The following NELL2 variants were observed in gnomAD, a reference collection of about 807,000 sequenced individuals.
NELL2 encodes the protein protein kinase C-binding protein NELL2.
A neutral mutation model predicts 109.6 loss-of-function variants in NELL2; 41 were observed. That is an observed-to-expected ratio of 0.37 (90% CI 0.29 to 0.49). The LOEUF is 0.49. Ranked by LOEUF, NELL2 falls within the 20% of genes least tolerant of loss-of-function variation. NELL2 has a pLI of 0.98. For synonymous variants in NELL2, 355 were observed against 344.7 expected, an observed-to-expected ratio of 1.03 and a Z score of -0.33; for missense variants, 900 against 1,008.3, an observed-to-expected ratio of 0.89 and a Z score of 1.45.
intron 3 of NELL2, among the ~76,000 whole-genome samples, chr12:44,796,099 TAA>T (rs1942610712): frequency 1.3e-5 from 2 of 152,136 alleles, no homozygotes; most frequent in South Asian, 2.1e-4. Context: ...AAGAGGATAA[TAA>T]GAGTTGTAAA....
At chr12:44,872,502 G>A (rs913420212) in intron 2 of NELL2, among the ~76,000 whole-genome samples, 1 of 151,802 alleles carries the variant, frequency 6.6e-6, no homozygotes, top group Non-Finnish European at 1.5e-5. Flanking sequence ...ATAAATTTAC[G>A]AGTTTCAAAA....
At chr12:44,860,337 T>G (rs766005880) in intron 2 of NELL2, among the ~76,000 whole-genome samples, 1 of 152,212 alleles carries the variant, frequency 6.6e-6, no homozygotes, top group Non-Finnish European at 1.5e-5. Flanking sequence ...ACTGCTAATG[T>G]TCAAGATATA....
chr12:44,651,469 ATAC>A (rs1300020486), intron 13 of NELL2, among the ~76,000 whole-genome samples: 1 of 152,174 alleles, frequency 6.6e-6, no homozygotes, highest in African/African-American at 2.4e-5. Flanking sequence ...TGGGCAGCTG[ATAC>A]TACACTATAA....
At chr12:44,620,483 AT>A (rs1208439889) in intron 13 of NELL2, among the ~76,000 whole-genome samples, 1 of 152,104 alleles carries the variant, frequency 6.6e-6, no homozygotes, top group Non-Finnish European at 1.5e-5. Context: ...AGTATCTCTT[AT>A]TGTCTCTTCA....
intron 1 of NELL2, among the ~76,000 whole-genome samples, chr12:44,905,332 T>C (rs148984769): frequency 6.6e-6 from 1 of 152,042 alleles, no homozygotes; most frequent in African/African-American, 2.4e-5. Flanking sequence ...TTAATTATAT[T>C]TTATAATTTC....
chr12:44,681,280 T>C (rs961329730), intron 12 of NELL2, among the ~76,000 whole-genome samples: 1 of 130,796 alleles, frequency 7.6e-6, no homozygotes, highest in Non-Finnish European at 1.5e-5. Flanking sequence ...ACTAGTTTTG[T>C]TTTTTTTTTA....
chr12:44,650,301 T>G lies in NELL2; in HGVS notation c.1444+15183A>C, dbSNP rs532198824. Among the ~76,000 whole-genome samples the G allele has an allele frequency of 8.0e-3, 216 of 27,002 alleles. 1 individual carries two copies. The highest frequency in any genetic ancestry group is 0.054 in the African/African-American group (207 of 3,836). The allele number at this position is 27,002 out of a possible 152,430, so 17.7% of individuals were successfully genotyped here. A position where few individuals can be genotyped will look rare whatever the true frequency, so the allele number is the denominator to read the frequency against. ...TCTTTACCTGCCTCCACCCCCCAAT[T>G]TTTTTTTTTTTTTTGATACAGCTTC... On this transcript the variant is annotated intron_variant, in intron 13 of 19. Coordinates refer to ENST00000429094, the MANE Select transcript of NELL2 (RefSeq NM_001145108.2).
chr12:44,744,753 G>T (rs888186010), intron 9 of NELL2, among the ~76,000 whole-genome samples: 1 of 152,176 alleles, frequency 6.6e-6, no homozygotes, highest in Non-Finnish European at 1.5e-5. Flanking sequence ...ACTAAACCAG[G>T]AAGAAGTTGA....
intron 13 of NELL2, among the ~76,000 whole-genome samples, chr12:44,640,640 T>C (rs1453744155): frequency 6.6e-6 from 1 of 152,182 alleles, no homozygotes; most frequent in African/African-American, 2.4e-5. Flanking sequence ...ACAAGGATTA[T>C]TAGGTGGAAC....
chr12:44,838,655 C>T (rs928564903), intron 2 of NELL2, among the ~76,000 whole-genome samples: 3 of 147,530 alleles, frequency 2.0e-5, no homozygotes, highest in Admixed American at 2.0e-4. Context: ...TAGAAGCACA[C>T]ACACATTTTG....
At chr12:44,742,403 C>G (rs1013625842) in intron 9 of NELL2, among the ~76,000 whole-genome samples, 8 of 152,208 alleles carry the variant, frequency 5.3e-5, no homozygotes, top group African/African-American at 1.9e-4. Flanking sequence ...CAGAGCACCT[C>G]TCCTCCTCCA....
intron 12 of NELL2, among the ~76,000 whole-genome samples, chr12:44,683,601 C>T (rs1320754189): frequency 5.9e-5 from 9 of 151,888 alleles, no homozygotes; most frequent in South Asian, 2.1e-4. Context: ...CCCATCAATA[C>T]CTAATTTATT....
intron 2 of NELL2, among the ~76,000 whole-genome samples, chr12:44,852,647 C>G (rs1472650044): frequency 6.6e-6 from 1 of 152,206 alleles, no homozygotes; most frequent in Admixed American, 6.5e-5. Context: ...CACCCTCTGA[C>G]TTTACTAATT....
chr12:44,827,147 C>A (rs1344353978), intron 2 of NELL2, among the ~76,000 whole-genome samples: 3 of 151,894 alleles, frequency 2.0e-5, no homozygotes, highest in Non-Finnish European at 2.9e-5. Context: ...AATTTTGTAA[C>A]TTTTTTTAAA....
chr12:44,704,813 GT>G (rs1208620261), intron 11 of NELL2, among the ~76,000 whole-genome samples: 1 of 152,056 alleles, frequency 6.6e-6, no homozygotes, highest in Non-Finnish European at 1.5e-5. Context: ...AAGATCAGGA[GT>G]TGGAGGCCAG....
Position 44,679,039 on chromosome 12 carries a change from G to A in NELL2, c.1319-13430C>T, listed in dbSNP as rs886398213. Among the ~76,000 whole-genome samples the A allele has an allele frequency of 2.0e-5, 3 of 152,220 alleles. No individual in the cohort carries two copies. The South Asian group carries it at 6.2e-4, about 32-fold the overall frequency. On this transcript the variant is annotated intron_variant, in intron 12 of 19. Coordinates refer to ENST00000429094, the MANE Select transcript of NELL2 (RefSeq NM_001145108.2). ...AGATTAAGCATAATTAAATGCTGAT[G>A]GGAAGGAGCAAACAGAGAGAACGAA...
chr12:44,706,653 G>C (rs1035803795), intron 11 of NELL2, among the ~76,000 whole-genome samples: 2 of 152,008 alleles, frequency 1.3e-5, no homozygotes, highest in Non-Finnish European at 2.9e-5. Context: ...CTATGTAAAA[G>C]CATAATAATA....
At chr12:44,704,192 A>G (rs1337605746) in intron 11 of NELL2, among the ~76,000 whole-genome samples, 2 of 152,178 alleles carry the variant, frequency 1.3e-5, no homozygotes, top group Non-Finnish European at 2.9e-5. Flanking sequence ...ATAATATAGA[A>G]GATAACACAA....
chr12:44,652,430 G>C (rs1418398865), intron 13 of NELL2, among the ~76,000 whole-genome samples: 1 of 152,076 alleles, frequency 6.6e-6, no homozygotes, highest in Non-Finnish European at 1.5e-5. Context: ...AAAATGTTGA[G>C]CACCCCTCAT....
Sources: gnomAD v4.1 joint callset for allele counts (sites outside exome capture counted in the v4.1 genomes callset) on GRCh38, gnomAD v4.1.1 for gene constraint, MANE v1.5 for transcripts, NCBI Gene and HGNC (gene_info 2026-07-23, HGNC 2026-07-21) for gene names.